The following PAPPA2 variants were observed in gnomAD, a reference collection of about 807,000 sequenced individuals.
The protein encoded by PAPPA2 is pappalysin 2, also known as pappalysin-2.
In PAPPA2, 86 loss-of-function variants were observed where a neutral mutation model predicts 176.4. The observed-to-expected ratio is 0.49, with a 90% CI of 0.41 to 0.58. The LOEUF (loss-of-function observed/expected upper bound fraction) is 0.58. PAPPA2 is among the 20% of genes least tolerant of loss of function. The pLI is 0.00. For synonymous variants in PAPPA2, 809 were observed against 852.2 expected, an observed-to-expected ratio of 0.95 and a Z score of 0.88; for missense variants, 2,073 against 2,256.9, an observed-to-expected ratio of 0.92 and a Z score of 1.65.
At position 176,690,223 on chromosome 1, in the gene PAPPA2, T is replaced by A; in HGVS notation, c.2224T>A (p.Tyr742Asn). The A allele has an allele frequency of 6.2e-7, 1 of 1,614,068 alleles. No homozygotes were observed. The highest frequency in any genetic ancestry group is 8.5e-7 in the Non-Finnish European group (1 of 1,179,976). The change falls in exon 5 of 23, where the codon TAC (tyrosine) becomes AAC (asparagine). Residue 742 changes from tyrosine to asparagine, a missense_variant. Physicochemically the swap from Tyr to Asn is moderately radical, Grantham distance 143 (BLOSUM62 -2). Transcript: ENST00000367662. ...IHEVGHVLGL[Y>N]HVFKGVSERE... ...TGAAGTGGGACATGTTCTGGGACTC[T>A]ACCATGTCTTTAAAGGAGTCAGTGA...
intron 3 of PAPPA2, among the ~76,000 whole-genome samples, chr1:176,639,810 G>A (rs918718708): frequency 6.6e-6 from 1 of 151,564 alleles, no homozygotes; most frequent in African/African-American, 2.4e-5. Context: ...CGGGAGGAAT[G>A]CTGGGTTAAA....
In PAPPA2 at chr1:176,556,151, G is replaced by A; in HGVS notation, c.-172G>A. 1.3e-6 allele frequency: 1 copy of A among 752,498 alleles called. No homozygotes were observed. The highest frequency in any genetic ancestry group is 2.8e-5 in the Admixed American group (1 of 35,958). The allele number at this position is 752,498 out of a possible 1,614,324, so 46.6% of individuals were successfully genotyped here. The stretch of plus-strand genomic sequence containing the variant: ...CCACACTGGCAGAGCGGCCAGCACA[G>A]GTAGCCAGCAGAGGCATTCTTGGGG... On this transcript the variant is annotated 5_prime_UTR_variant, in exon 2 of 23. Transcript: ENST00000367662.
intron 17 of PAPPA2, among the ~76,000 whole-genome samples, chr1:176,773,660 T>C (rs1664329808): frequency 6.6e-6 from 1 of 152,214 alleles, no homozygotes; most frequent in Non-Finnish European, 1.5e-5. Flanking sequence ...GTTTTGAGGC[T>C]GAATGTCAGG....
intron 20 of PAPPA2, 96 bp from the exon 21 acceptor site, chr1:176,799,965 G>A: frequency 1.6e-6 from 2 of 1,221,754 alleles, no homozygotes; most frequent in East Asian, 2.4e-5. Flanking sequence ...TTGAGAAATG[G>A]AGTTGGACTC....
intron 1 of PAPPA2, among the ~76,000 whole-genome samples, chr1:176,509,102 AC>A (rs374448923): frequency 1 from 2 of 2 alleles, 1 homozygote; most frequent in Non-Finnish European, 1. Flanking sequence ...TATGTGATGC[AC>A]TATTTAATCA....
intron 15 of PAPPA2, among the ~76,000 whole-genome samples, chr1:176,767,522 A>G (rs1388427668): frequency 1.3e-5 from 2 of 152,078 alleles, no homozygotes; most frequent in Non-Finnish European, 2.9e-5. Flanking sequence ...TAATTTTTGT[A>G]TTTTTAGTAG....
chr1:176,551,333 A>T (rs896663641), intron 1 of PAPPA2, among the ~76,000 whole-genome samples: 1 of 152,182 alleles, frequency 6.6e-6, no homozygotes, highest in Non-Finnish European at 1.5e-5. Context: ...GCTAAAACAG[A>T]TCTGGCTTCT....
intron 21 of PAPPA2, among the ~76,000 whole-genome samples, chr1:176,821,736 C>T (rs1274962996): frequency 6.6e-6 from 1 of 152,174 alleles, no homozygotes; most frequent in Admixed American, 6.5e-5. Context: ...ATTTATGTTC[C>T]ACTAGTTAAG....
At chr1:176,657,025 A>G (rs1329312098) in intron 3 of PAPPA2, among the ~76,000 whole-genome samples, 1 of 151,970 alleles carries the variant, frequency 6.6e-6, no homozygotes, top group Admixed American at 6.6e-5. Context: ...TCAAGGCACA[A>G]TACTGAACAA....
At chr1:176,651,838 C>CT (rs1221124718) in intron 3 of PAPPA2, among the ~76,000 whole-genome samples, 1 of 151,026 alleles carries the variant, frequency 6.6e-6, no homozygotes, top group Non-Finnish European at 1.5e-5. Context: ...ATTCTTTTTT[C>CT]TTTTTTCTCT....
At chr1:176,538,033 G>T (rs1650163164) in intron 1 of PAPPA2, among the ~76,000 whole-genome samples, 1 of 151,868 alleles carries the variant, frequency 6.6e-6, no homozygotes, top group African/African-American at 2.4e-5. Flanking sequence ...ACCCTGAAAA[G>T]CTTTAAGGAA....
At chr1:176,681,101 CA>C (rs1659566995) in intron 4 of PAPPA2, among the ~76,000 whole-genome samples, 2 of 151,524 alleles carry the variant, frequency 1.3e-5, no homozygotes, top group African/African-American at 4.9e-5. Context: ...GAATAGGTAT[CA>C]GGGGGTGTAT....
chr1:176,733,450 C>G (rs1019916599), intron 12 of PAPPA2, among the ~76,000 whole-genome samples: 2 of 152,064 alleles, frequency 1.3e-5, no homozygotes, highest in African/African-American at 4.8e-5. Context: ...CTCAGTGGGT[C>G]AATAGTTTAT....
At chr1:176,550,077 T>A (rs150476001) in intron 1 of PAPPA2, among the ~76,000 whole-genome samples, 1 of 152,234 alleles carries the variant, frequency 6.6e-6, no homozygotes, top group South Asian at 2.1e-4. Flanking sequence ...TTTCAGAATG[T>A]CATAGAAATG....
chr1:176,616,913 T>G, intron 3 of PAPPA2: 1 of 412,630 alleles, frequency 2.4e-6, no homozygotes, highest in Non-Finnish European at 4.5e-6. Flanking sequence ...GTGCTTTGAG[T>G]GTGAAGTTGT....
chr1:176,651,890 A>AT (rs1335029353), intron 3 of PAPPA2, among the ~76,000 whole-genome samples: 2 of 148,924 alleles, frequency 1.3e-5, no homozygotes, highest in Non-Finnish European at 3.0e-5. Context: ...TGAGCTCACT[A>AT]TTTTTTTTCC....
chr1:176,503,732 G>A (rs2102512475), intron 1 of PAPPA2, among the ~76,000 whole-genome samples: 1 of 152,272 alleles, frequency 6.6e-6, no homozygotes, highest in East Asian at 1.9e-4. Flanking sequence ...TCTTTGTAAG[G>A]ATTAGGCAGA....
intron 21 of PAPPA2, among the ~76,000 whole-genome samples, chr1:176,838,882 G>A (rs948677741): frequency 6.6e-6 from 1 of 152,218 alleles, no homozygotes; most frequent in Non-Finnish European, 1.5e-5. Flanking sequence ...CTGGAATGAT[G>A]TTCAAATGAC....
At chr1:176,597,351 CA>C (rs1377461545) in intron 3 of PAPPA2, among the ~76,000 whole-genome samples, 1 of 152,124 alleles carries the variant, frequency 6.6e-6, no homozygotes, top group Non-Finnish European at 1.5e-5. Flanking sequence ...TCAAAGCACA[CA>C]AATTGTTGTA....
Sources: gnomAD v4.1 joint callset for allele counts (sites outside exome capture counted in the v4.1 genomes callset) on GRCh38, gnomAD v4.1.1 for gene constraint, MANE v1.5 for transcripts, NCBI Gene and HGNC (gene_info 2026-07-23, HGNC 2026-07-21) for gene names.